The following PKHD1L1 variants were observed in gnomAD, a reference collection of about 807,000 sequenced individuals.
PKHD1L1 encodes PKHD1 like 1, also known as fibrocystin-L.
In PKHD1L1, 434 loss-of-function variants were observed where a neutral mutation model predicts 462.9. The observed-to-expected ratio is 0.94, with a 90% CI of 0.87 to 1.02. The LOEUF (loss-of-function observed/expected upper bound fraction) is 1.02, where lower values mean the gene tolerates loss of function less well. Ranked by LOEUF, PKHD1L1 falls within the 50% of genes least tolerant of loss-of-function variation. PKHD1L1 has a pLI of 0.00. For synonymous variants in PKHD1L1, 1,781 were observed against 1,750.0 expected (o/e 1.02, Z -0.44); for missense variants, 5,202 against 5,096.1 (o/e 1.02, Z -0.63).
rs766161337 is a variant in PKHD1L1 at position 109,436,344 on chromosome 8, C to A, written c.3512C>A (p.Thr1171Asn). The A allele has an allele frequency of 1.2e-6, 2 of 1,610,916 alleles. No individual in the cohort carries two copies. The highest frequency in any genetic ancestry group is 1.7e-6 in the Non-Finnish European group (2 of 1,179,102). The change falls in exon 30 of 78, where the codon ACT (threonine) becomes AAT (asparagine). Residue 1171 changes from threonine (T) to asparagine (N), a missense_variant. Thr to Asn is a moderately conservative substitution (Grantham distance 65, BLOSUM62 0). Transcript: ENST00000378402. ...GTTTGCTTTTCTTATGAAGGTGGTACTCTACTGACTTTATCTGGATTTGGC... is the reference window on the plus strand; with the variant it reads ...GTTTGCTTTTCTTATGAAGGTGGTAATCTACTGACTTTATCTGGATTTGGC... ...WPDSGSIAGG[T>N]LLTLSGFGFN...
chr8:109,383,417 T>TATATATA (rs1168063779), intron 4 of PKHD1L1, among the ~76,000 whole-genome samples: 2 of 120,750 alleles, frequency 1.7e-5, no homozygotes, highest in African/African-American at 6.3e-5. Flanking sequence ...AATTATATAT[T>TATATATA]ATATATAATA....
In PKHD1L1 at chr8:109,464,769, CA is replaced by C; in HGVS notation, c.7939del (p.Ile2647TyrfsTer28). 2 of 1,613,806 alleles carry C rather than the reference CA, an allele frequency of 1.2e-6. No homozygotes were observed. Among genetic ancestry groups the C allele is most frequent in the Non-Finnish European group, 1.7e-6 (2 of 1,179,788 alleles). ...TGTACATCTACAGTGCCTGCACCTGCAATATTTAACTCACTTACTACTTGGA... is the reference window on the plus strand; with the variant it reads ...TGTACATCTACAGTGCCTGCACCTGCATATTTAACTCACTTACTACTTGGA... ...GSCTSTVPAP[A>X]IFNSLTTWNC... On this transcript the variant is annotated frameshift_variant, in exon 49 of 78. Transcript: ENST00000378402. LOFTEE classifies it high-confidence loss of function.
At chr8:109,471,071 C>T in intron 50 of PKHD1L1, 1 of 1,569,784 alleles carries the variant, frequency 6.4e-7, no homozygotes, top group Non-Finnish European at 8.8e-7. Flanking sequence ...ATCTTCTCCT[C>T]AAATTCCTCA....
chr8:109,446,086 C>A (rs1411771347), intron 38 of PKHD1L1, among the ~76,000 whole-genome samples: 1 of 152,068 alleles, frequency 6.6e-6, no homozygotes, highest in Non-Finnish European at 1.5e-5. Flanking sequence ...TGCCAGAATT[C>A]TTTTTAAGGA....
In PKHD1L1 at chr8:109,464,218, AT is replaced by A; in HGVS notation, c.7388del (p.Phe2463SerfsTer28). On this transcript the variant is annotated frameshift_variant, in exon 49 of 78. Transcript: ENST00000378402. LOFTEE classifies it high-confidence loss of function. ...VTGRIEYVEV[F>X]HAGQAFRLGR... ...ACTGTGATTTCTGGGCTTAACAGGTATTCCATGCTGGCCAGGCTTTCCGGTT... is the reference window on the plus strand; with the variant it reads ...ACTGTGATTTCTGGGCTTAACAGGTATCCATGCTGGCCAGGCTTTCCGGTT... 2 of 1,587,364 alleles carry A rather than the reference AT, an allele frequency of 1.3e-6. No individual in the cohort carries two copies. Among genetic ancestry groups the A allele is most frequent in the Non-Finnish European group, 1.7e-6 (2 of 1,161,662 alleles).
intron 37 of PKHD1L1, 77 bp from the exon 38 acceptor site, chr8:109,444,584 G>A (rs1020506321): frequency 7.5e-7 from 1 of 1,326,840 alleles, no homozygotes. Context: ...AAAATTTGTA[G>A]TTGTTGCTAA....
At position 109,404,725 on chromosome 8, in the gene PKHD1L1, T is replaced by C. The variant is rs547343450; in HGVS notation, c.1533+12T>C. On this transcript the variant is annotated intron_variant, in intron 15 of 77. Coordinates refer to ENST00000378402, the MANE Select transcript of PKHD1L1 (RefSeq NM_177531.6). ...TCCAGGAAGTACAGGTTTGCTATGA[T>C]TGCAGTTCCTCTTACAGAAAGTAAA... The C allele has an allele frequency of 4.4e-6, 7 of 1,582,716 alleles. No homozygotes were observed. The African/African-American group carries it at 5.4e-5, about 12-fold the overall frequency.
Position 109,452,705 on chromosome 8 carries a change from T to G in PKHD1L1, c.6508-13T>G. 1.4e-6 allele frequency: 2 copies of G among 1,463,152 alleles called. No individual in the cohort carries two copies. The highest frequency in any genetic ancestry group is 1.8e-6 in the Non-Finnish European group (2 of 1,111,696). 90.6% of individuals were successfully genotyped at this position (1,463,152 alleles called of 1,614,324 possible). ...AATCCCTAAATTTTAAGGTCTCTTATGTTCTATTACAGGATAATGCTGACT... is the reference window on the plus strand; with the variant it reads ...AATCCCTAAATTTTAAGGTCTCTTAGGTTCTATTACAGGATAATGCTGACT... On this transcript the variant is annotated splice_polypyrimidine_tract_variant and intron_variant, in intron 42 of 77. Coordinates refer to ENST00000378402, the MANE Select transcript of PKHD1L1 (RefSeq NM_177531.6).
At chr8:109,380,183 G>C (rs1812039913) in intron 2 of PKHD1L1, among the ~76,000 whole-genome samples, 1 of 149,672 alleles carries the variant, frequency 6.7e-6, no homozygotes, top group Non-Finnish European at 1.5e-5. Flanking sequence ...TAACCCTCTT[G>C]TATTAAATCT....
chr8:109,381,602 C>A, intron 3 of PKHD1L1, 88 bp downstream of exon 3: 1 of 981,260 alleles, frequency 1.0e-6, no homozygotes. Context: ...GTTTTATTAC[C>A]CTGGCTATTA....
intron 41 of PKHD1L1, 77 bp downstream of exon 41, chr8:109,451,226 G>A (rs956628582): frequency 2.8e-6 from 4 of 1,430,170 alleles, no homozygotes; most frequent in African/African-American, 2.8e-5. Flanking sequence ...CCTATGCCCG[G>A]ACAGTGCAGA....
intron 67 of PKHD1L1, chr8:109,499,292 C>T (rs1819281689): frequency 6.5e-6 from 1 of 152,782 alleles, no homozygotes; most frequent in South Asian, 2.1e-4. Flanking sequence ...TTCATTTGGC[C>T]TATTAAATAA....
chr8:109,470,955 T>C, intron 50 of PKHD1L1: 1 of 1,610,056 alleles, frequency 6.2e-7, no homozygotes, highest in Non-Finnish European at 8.5e-7. Flanking sequence ...AGTGGGGAGT[T>C]CCTCTTTAAC....
At chr8:109,429,627 A>G (rs972105878) in intron 26 of PKHD1L1, among the ~76,000 whole-genome samples, 165 bp downstream of exon 26, 1 of 152,140 alleles carries the variant, frequency 6.6e-6, no homozygotes, top group Non-Finnish European at 1.5e-5. Flanking sequence ...GATTTTTGGG[A>G]AAATTATCTT....
chr8:109,469,939 G>A (rs578129598), intron 50 of PKHD1L1, among the ~76,000 whole-genome samples: 1 of 152,224 alleles, frequency 6.6e-6, no homozygotes, highest in African/African-American at 2.4e-5. Context: ...TGATATTTTA[G>A]TATTTCCCAT....
chr8:109,420,428 C>T (rs1300261680), intron 22 of PKHD1L1, 90 bp from the exon 23 acceptor site: 1 of 674,942 alleles, frequency 1.5e-6, no homozygotes, highest in Non-Finnish European at 2.2e-6. Context: ...AGAAGCAATG[C>T]AATTTTATCT....
intron 76 of PKHD1L1, 72 bp downstream of exon 76, chr8:109,523,458 CA>C: frequency 7.2e-7 from 1 of 1,393,652 alleles, no homozygotes; most frequent in South Asian, 1.6e-5. Flanking sequence ...TTTTAATGAA[CA>C]AAGCATTCTG....
At chr8:109,451,303 G>C (rs1320712332) in intron 41 of PKHD1L1, among the ~76,000 whole-genome samples, 154 bp downstream of exon 41, 2 of 152,116 alleles carry the variant, frequency 1.3e-5, no homozygotes, top group Non-Finnish European at 2.9e-5. Flanking sequence ...AGTACTAATT[G>C]CTAACATTTA....
chr8:109,397,369 A>G (rs536877622), intron 11 of PKHD1L1, among the ~76,000 whole-genome samples: 1 of 152,230 alleles, frequency 6.6e-6, no homozygotes, highest in East Asian at 1.9e-4. Context: ...TCTTGCATCC[A>G]TAAAACACTC....
Sources: gnomAD v4.1 joint callset for allele counts (sites outside exome capture counted in the v4.1 genomes callset) on GRCh38, gnomAD v4.1.1 for gene constraint, MANE v1.5 for transcripts, NCBI Gene and HGNC (gene_info 2026-07-23, HGNC 2026-07-21) for gene names.